The following PAPLN variants were observed in gnomAD, a reference collection of about 807,000 sequenced individuals.
PAPLN encodes papilin.
Under a neutral mutation model 159.0 loss-of-function variants are expected in PAPLN, and 146 were observed. The ratio of observed to expected loss-of-function variants is 0.92; its 90% CI spans 0.80 to 1.05. The LOEUF is 1.05. PAPLN is among the 50% of genes least tolerant of loss of function. The probability of loss-of-function intolerance (pLI) is 0.00; values close to 1 mark genes in which losing one functional copy is unlikely to be tolerated. For missense variants in PAPLN, 1,720 were observed against 1,743.9 expected, an observed-to-expected ratio of 0.99 and a Z score of 0.24; for synonymous variants, 734 against 702.9, an observed-to-expected ratio of 1.04 and a Z score of -0.70.
At position 73,249,826 on chromosome 14, in the gene PAPLN, G is replaced by A. The variant is rs569652591; in HGVS notation, c.335-158G>A. ...AGAGGTGCAACAGATTCATGGAGACGGTCCCTTCTCCTGGGGATGGGGCGG... is the reference window on the plus strand; with the variant it reads ...AGAGGTGCAACAGATTCATGGAGACAGTCCCTTCTCCTGGGGATGGGGCGG... On this transcript the variant is annotated intron_variant, in intron 5 of 26. Coordinates refer to ENST00000644200, the MANE Select transcript of PAPLN (RefSeq NM_001365906.3). 4.4e-5 allele frequency: 30 copies of A among 674,988 alleles called. 1 individual carries two copies. In the South Asian group the frequency reaches 6.8e-4, roughly 15 times the overall value. 41.8% of individuals were successfully genotyped at this position (674,988 alleles called of 1,614,324 possible). A position where few individuals can be genotyped will look rare whatever the true frequency, so the allele number is the denominator to read the frequency against.
chr14:73,243,243 C>T (rs1883800734), intron 2 of PAPLN: 1 of 152,324 alleles, frequency 6.6e-6, no homozygotes, highest in African/African-American at 2.4e-5. Flanking sequence ...ATCTGCCTGC[C>T]TTGGCCTCTC....
rs374191422 is a variant in PAPLN at position 73,252,681 on chromosome 14, G to A, written c.1000G>A (p.Asp334Asn). Residue 334 changes from aspartate (D) to asparagine (N), a missense_variant, in exon 11 of 27, where the codon GAC (aspartate) becomes AAC (asparagine). Asp to Asn is a conservative substitution (Grantham distance 23). Transcript: ENST00000644200. The part of the protein sequence containing the change: ...HQSRLVFCTI[D>N]HEAYPDHMCQ... ...GTCCCGCCTGGTGTTCTGCACCATC[G>A]ACCATGAGGCCTACCCCGACCACAT... The A allele has an allele frequency of 6.2e-7, 1 of 1,613,122 alleles. No individual in the cohort carries two copies.
intron 14 of PAPLN, among the ~76,000 whole-genome samples, chr14:73,258,637 A>AAAAAAAAAAC (rs1886198718): frequency 6.7e-6 from 1 of 150,092 alleles, no homozygotes; most frequent in East Asian, 1.9e-4. Flanking sequence ...AAAAAAAAAA[A>AAAAAAAAAAC]AGTAGTCCCA....
rs557189685 is a variant in PAPLN at position 73,244,890 on chromosome 14, C to G, written c.170+131C>G. ...AGCAGAACCCACCAAGGAGCAGATT[C>G]ATTCTGGAAGCAGCATCAGTTCAGC... On this transcript the variant is annotated intron_variant, in intron 3 of 26. Coordinates refer to ENST00000644200, the MANE Select transcript of PAPLN (RefSeq NM_001365906.3). 281 of 669,538 alleles carry G rather than the reference C, an allele frequency of 4.2e-4. No individual in the cohort carries two copies. The African/African-American group carries it at 4.7e-3, about 11-fold the overall frequency. 41.5% of individuals were successfully genotyped at this position (669,538 alleles called of 1,614,324 possible). A position where few individuals can be genotyped will look rare whatever the true frequency, so the allele number is the denominator to read the frequency against.
chr14:73,269,141 G>A (rs1887478892), intron 26 of PAPLN, among the ~76,000 whole-genome samples: 1 of 152,128 alleles, frequency 6.6e-6, no homozygotes, highest in South Asian at 2.1e-4. Context: ...CTTTATGGCC[G>A]TTTGACCATA....
In PAPLN at chr14:73,265,321, C is replaced by G. The variant is rs776974009; in HGVS notation, c.3126-49C>G. On this transcript the variant is annotated intron_variant, in intron 22 of 26. Transcript: ENST00000644200. This position sits in a 1 kb window ranked among gnomAD's most constrained non-coding sequence, Gnocchi z 4.1. The stretch of plus-strand genomic sequence containing the variant: ...GTGCAGAGGTGCCCATGGGAGTAGG[C>G]GGGGGCAACGGCAAGGGCCCCTCAT... 2.5e-6 allele frequency: 4 copies of G among 1,586,274 alleles called. No individual in the cohort carries two copies. In the African/African-American group the frequency reaches 5.4e-5, roughly 21 times the overall value.
Position 73,259,464 on chromosome 14 carries a change from A to G in PAPLN, c.1904A>G (p.His635Arg), listed in dbSNP as rs751685816. 12 of 1,611,054 alleles carry G rather than the reference A, an allele frequency of 7.4e-6. No homozygotes were observed. The Admixed American group carries it at 1.7e-4, about 22-fold the overall frequency. Residue 635 changes from histidine to arginine, a missense_variant, in exon 16 of 27, where the codon CAC becomes CGC. Transcript: ENST00000644200. ...SGPHDCRHSP[H>R]GCCPDGHTAS... is the part of the protein sequence containing the mutation. ...CCCCACGACTGCAGACACAGTCCTC[A>G]CGGGTGCTGCCCCGATGGCCACACG...
At chr14:73,262,956 T>G in intron 19 of PAPLN, 129 bp downstream of exon 19, 1 of 881,146 alleles carries the variant, frequency 1.1e-6, no homozygotes, top group Non-Finnish European at 1.6e-6. Flanking sequence ...CCGAGAGCCC[T>G]GCCTGGTGGG....
chr14:73,261,259 C>T lies in PAPLN; in HGVS notation c.2210C>T (p.Pro737Leu). The T allele has an allele frequency of 6.2e-7, 1 of 1,613,920 alleles. No homozygotes were observed. The highest frequency in any genetic ancestry group is 8.5e-7 in the Non-Finnish European group (1 of 1,180,022). The change falls in exon 18 of 27, where the codon CCT becomes CTT. Residue 737 changes from proline to leucine, a missense_variant. Coordinates refer to ENST00000644200, the MANE Select transcript of PAPLN (RefSeq NM_001365906.3). ...GACAACGTGGCCACTGCAGCCGGTC[C>T]TCTTGGGGAAGGCTGTGTGGGCCAG... ...CYDNVATAAG[P>L]LGEGCVGQPS... is the part of the protein sequence containing the mutation.
chr14:73,262,165 C>T (rs1886655925), intron 18 of PAPLN, 185 bp from the exon 19 acceptor site: 2 of 658,596 alleles, frequency 3.0e-6, no homozygotes, highest in Non-Finnish European at 5.2e-6. Context: ...GGCAGGTCTG[C>T]ACAGTGGACA....
chr14:73,263,210 T>C lies in PAPLN; in HGVS notation c.2723+383T>C, dbSNP rs1594822341. On this transcript the variant is annotated intron_variant, in intron 19 of 26. Transcript: ENST00000644200. ...TGGTGGCATTACCTTCTGCCCTGTA[T>C]ACCTCACAGGTGTGGGTTCTGGTCA... 1.3e-5 allele frequency: 4 copies of C among 317,678 alleles called. No individual in the cohort carries two copies. The East Asian group carries it at 1.6e-4, about 13-fold the overall frequency. 19.7% of individuals were successfully genotyped at this position (317,678 alleles called of 1,614,324 possible).
intron 2 of PAPLN, chr14:73,243,496 C>T (rs374856147): frequency 6.6e-6 from 1 of 152,170 alleles, no homozygotes; most frequent in South Asian, 2.1e-4. Flanking sequence ...CATTTGATTC[C>T]CCCAGGTGGG....
chr14:73,264,500 G>GT (rs1887007514), intron 21 of PAPLN, 88 bp from the exon 22 acceptor site: 1 of 1,526,650 alleles, frequency 6.6e-7, no homozygotes, highest in Non-Finnish European at 8.8e-7. Context: ...TCATTTCTCC[G>GT]TAAGTCCCTG....
At chr14:73,240,571 T>C (rs1160052183) in intron 2 of PAPLN, among the ~76,000 whole-genome samples, 1 of 152,098 alleles carries the variant, frequency 6.6e-6, no homozygotes, top group Non-Finnish European at 1.5e-5. Context: ...GCCTCCCAGG[T>C]AGCTGGGACT....
rs930586051 is a variant in PAPLN at position 73,260,910 on chromosome 14, C to T, written c.2106+81C>T. On this transcript the variant is annotated intron_variant, in intron 17 of 26. Transcript: ENST00000644200. ...TGTCACTGTGACCCAGGATCTTTGC[C>T]GCTTTGGCCTCGGAGAAAGGAGGTC... The T allele has an allele frequency of 7.5e-5, 111 of 1,484,672 alleles. 1 individual carries two copies. Among genetic ancestry groups the T allele is most frequent in the African/African-American group, 6.0e-4 (43 of 71,164 alleles). 92.0% of individuals were successfully genotyped at this position (1,484,672 alleles called of 1,614,324 possible).
intron 26 of PAPLN, among the ~76,000 whole-genome samples, chr14:73,270,988 G>A (rs905736622): frequency 6.6e-6 from 1 of 152,160 alleles, no homozygotes; most frequent in Non-Finnish European, 1.5e-5. Flanking sequence ...AGCTCTACTG[G>A]GAGGACTTCT....
intron 11 of PAPLN, 120 bp downstream of exon 11, chr14:73,252,895 G>A (rs1028392892): frequency 1.6e-5 from 24 of 1,466,936 alleles, no homozygotes; most frequent in South Asian, 2.6e-5. Context: ...GGCCCCCCAC[G>A]CTGTGGCTGG....
Position 73,254,640 on chromosome 14 carries a change from A to T in PAPLN, c.1430A>T (p.His477Leu), listed in dbSNP as rs772923397. The change falls in exon 13 of 27, where the codon CAT becomes CTT. Residue 477 changes from histidine to leucine, a missense_variant. Physicochemically the swap from His to Leu is moderately conservative, Grantham distance 99 (BLOSUM62 -3). Transcript: ENST00000644200. Reference protein sequence around the residue: ...DRPPLTEPCVHEDCPLLSDQA... With the variant: ...DRPPLTEPCVLEDCPLLSDQA... The stretch of plus-strand genomic sequence containing the variant: ...CCACCTCTGACTGAGCCCTGTGTGC[A>T]TGAGGACTGCCCCCTCCTCAGTGAC... The T allele has an allele frequency of 1.9e-6, 3 of 1,613,908 alleles. No individual in the cohort carries two copies. The highest frequency in any genetic ancestry group is 2.7e-5 in the African/African-American group (2 of 74,890).
chr14:73,262,452 G>A lies in PAPLN; in HGVS notation c.2348G>A (p.Trp783Ter). 1.2e-6 allele frequency: 2 copies of A among 1,613,030 alleles called. No homozygotes were observed. Among genetic ancestry groups the A allele is most frequent in the Non-Finnish European group, 1.7e-6 (2 of 1,179,536 alleles). ...VASVGQCNRF[W>*]YGGCHGNANN... ...TCTGTGGGCCAATGTAACCGCTTCT[G>A]GTATGGCGGCTGCCATGGCAATGCC... The change falls in exon 19 of 27, where the codon TGG (tryptophan) becomes TAG (stop). Residue 783 changes from tryptophan (W) to a stop codon, truncating the protein, a stop_gained. Coordinates refer to ENST00000644200, the MANE Select transcript of PAPLN (RefSeq NM_001365906.3). LOFTEE classifies it high-confidence loss of function.
Sources: gnomAD v4.1 joint callset for allele counts (sites outside exome capture counted in the v4.1 genomes callset) on GRCh38, gnomAD v4.1.1 for gene constraint, Gnocchi (gnomAD v3.1) non-coding constraint, MANE v1.5 for transcripts, NCBI Gene and HGNC (gene_info 2026-07-23, HGNC 2026-07-21) for gene names.